MEGF10: variants seen among roughly 807,000 people sequenced by gnomAD.
The protein encoded by MEGF10 is multiple EGF like domains 10, also known as multiple epidermal growth factor-like domains protein 10.
In MEGF10, 86 loss-of-function variants were observed where a neutral mutation model predicts 147.5. The ratio of observed to expected loss-of-function variants is 0.58; its 90% CI spans 0.49 to 0.70. The LOEUF is 0.70. MEGF10 is among the 30% of genes least tolerant of loss of function. The pLI, the probability that MEGF10 is intolerant of heterozygous loss-of-function variation, is 0.00. For synonymous variants in MEGF10, 478 were observed against 525.5 expected, an observed-to-expected ratio of 0.91 and a Z score of 1.24; for missense variants, 1,329 against 1,487.3, an observed-to-expected ratio of 0.89 and a Z score of 1.75.
At chr5:127,264,405 G>C in the MEGF10 span, among the ~76,000 whole-genome samples, 5,341 of 152,206 alleles carry the variant, frequency 0.035, 107 homozygotes, top group Middle Eastern at 0.037. Context: ...TGATAGCACT[G>C]TTTTAGGTGT....
chr5:127,448,845 T>A (rs1766046953), intron 21 of MEGF10, among the ~76,000 whole-genome samples: 1 of 150,886 alleles, frequency 6.6e-6, no homozygotes, highest in South Asian at 2.1e-4. Flanking sequence ...CCAAATAAGG[T>A]CTAATTGGCA....
chr5:127,403,148 T>TAGGG (rs1218934103), intron 8 of MEGF10, among the ~76,000 whole-genome samples: 1 of 152,218 alleles, frequency 6.6e-6, no homozygotes, highest in Admixed American at 6.5e-5. Context: ...CTGGAACTTA[T>TAGGG]AGGGCCCTCT....
chr5:127,267,263 G>A, the MEGF10 span, among the ~76,000 whole-genome samples: 12 of 152,232 alleles, frequency 7.9e-5, 1 homozygote, highest in Admixed American at 5.2e-4. Context: ...TGCATCCCAG[G>A]GATGAAGCCC....
At chr5:127,453,101 A>C (rs1766218429) in intron 22 of MEGF10, among the ~76,000 whole-genome samples, 1 of 152,220 alleles carries the variant, frequency 6.6e-6, no homozygotes, top group Non-Finnish European at 1.5e-5. Flanking sequence ...TCTCTAAGAG[A>C]TGCATGCACA....
the MEGF10 span, among the ~76,000 whole-genome samples, chr5:127,276,686 G>C: frequency 6.6e-6 from 1 of 152,132 alleles, no homozygotes; most frequent in Non-Finnish European, 1.5e-5. Context: ...TATGCATGAG[G>C]ACATCTCTTC....
chr5:127,269,366 A>G, the MEGF10 span, among the ~76,000 whole-genome samples: 4 of 152,352 alleles, frequency 2.6e-5, no homozygotes, highest in East Asian at 7.7e-4. Context: ...ATGGCTAACT[A>G]GAATAACCAG....
intron 4 of MEGF10, among the ~76,000 whole-genome samples, chr5:127,349,186 G>T (rs11746512): frequency 0.058 from 8,769 of 152,118 alleles, 299 homozygotes; most frequent in Non-Finnish European, 0.082. Context: ...GAACGCTATA[G>T]ATTTTGATTC....
chr5:127,415,948 T>C (rs1268942118), intron 9 of MEGF10, among the ~76,000 whole-genome samples: 1 of 149,602 alleles, frequency 6.7e-6, no homozygotes, highest in East Asian at 2.0e-4. Context: ...AAGTGACTGA[T>C]GGTGCTATTT....
chr5:127,430,306 C>T (rs1765350532), intron 13 of MEGF10, among the ~76,000 whole-genome samples: 1 of 152,244 alleles, frequency 6.6e-6, no homozygotes, highest in African/African-American at 2.4e-5. Context: ...TTGTAGGACC[C>T]TAGCAAAGCT....
chr5:127,347,779 A>G (rs1561585445), intron 4 of MEGF10, among the ~76,000 whole-genome samples: 1 of 152,084 alleles, frequency 6.6e-6, no homozygotes, highest in Non-Finnish European at 1.5e-5. Context: ...TGGAGAAAAC[A>G]CATGAATTAA....
intron 9 of MEGF10, among the ~76,000 whole-genome samples, chr5:127,416,059 C>T (rs1475535799): frequency 2.0e-5 from 3 of 150,958 alleles, no homozygotes; most frequent in Non-Finnish European, 2.9e-5. Context: ...GACGGAGTCT[C>T]GCTCTGTCCC....
At chr5:127,343,536 T>A (rs1187358356) in intron 4 of MEGF10, among the ~76,000 whole-genome samples, 1 of 152,132 alleles carries the variant, frequency 6.6e-6, no homozygotes, top group Non-Finnish European at 1.5e-5. Context: ...GTTAGTGACA[T>A]GTCCTTTTGG....
chr5:127,445,200 G>A (rs1259946074), intron 19 of MEGF10: 2 of 469,218 alleles, frequency 4.3e-6, no homozygotes, highest in East Asian at 8.0e-5. Flanking sequence ...CTGAGTAGCT[G>A]GAACTCCGGG....
chr5:127,284,004 G>T, the MEGF10 span, among the ~76,000 whole-genome samples: 1 of 152,192 alleles, frequency 6.6e-6, no homozygotes, highest in Non-Finnish European at 1.5e-5. Flanking sequence ...GTGAAGACAT[G>T]TTACATGAAG....
chr5:127,375,460 A>G (rs1466206717), intron 5 of MEGF10, among the ~76,000 whole-genome samples: 1 of 152,212 alleles, frequency 6.6e-6, no homozygotes, highest in Non-Finnish European at 1.5e-5. Context: ...TCCCAAAATG[A>G]AATCATGATT....
chr5:127,388,357 C>T (rs1013664235), intron 5 of MEGF10, among the ~76,000 whole-genome samples: 1 of 151,960 alleles, frequency 6.6e-6, no homozygotes, highest in Admixed American at 6.6e-5. Flanking sequence ...CCATGTTACC[C>T]AGGCTGGTCT....
At chr5:127,255,563 A>G in the MEGF10 span, among the ~76,000 whole-genome samples, 4 of 152,308 alleles carry the variant, frequency 2.6e-5, no homozygotes, top group South Asian at 4.1e-4. Context: ...AGCAAGATGG[A>G]TTTAGCCATG....
intron 8 of MEGF10, among the ~76,000 whole-genome samples, chr5:127,403,042 G>A (rs1029311342): frequency 6.6e-6 from 1 of 152,102 alleles, no homozygotes; most frequent in Non-Finnish European, 1.5e-5. Flanking sequence ...GTGTACTTAG[G>A]TACCTTTCAA....
chr5:127,345,250 G>T (rs1451490678), intron 4 of MEGF10, among the ~76,000 whole-genome samples: 1 of 152,100 alleles, frequency 6.6e-6, no homozygotes. Flanking sequence ...CTCTGCTTCC[G>T]ACTGGAATGA....
Sources: gnomAD v4.1 joint callset for allele counts (sites outside exome capture counted in the v4.1 genomes callset) on GRCh38, gnomAD v4.1.1 for gene constraint, MANE v1.5 for transcripts, NCBI Gene and HGNC (gene_info 2026-07-23, HGNC 2026-07-21) for gene names.